JAK2: variants seen among roughly 807,000 people sequenced by gnomAD.
The protein encoded by JAK2 is tyrosine-protein kinase JAK2.
A neutral mutation model predicts 139.3 loss-of-function variants in JAK2; 86 were observed. That is an observed-to-expected ratio of 0.62 (90% confidence interval 0.52 to 0.74). JAK2 has a LOEUF of 0.74. JAK2 is among the 30% of genes least tolerant of loss of function. The pLI, the probability that JAK2 is intolerant of heterozygous loss-of-function variation, is 0.00. For missense variants in JAK2, 1,421 were observed against 1,360.3 expected, an observed-to-expected ratio of 1.04 and a Z score of -0.70; for synonymous variants, 490 against 437.7, an observed-to-expected ratio of 1.12 and a Z score of -1.49.
In JAK2 at chr9:5,024,812, T is replaced by A. The variant is rs531331429; in HGVS notation, c.226+2599T>A. On this transcript the variant is annotated intron_variant, in intron 3 of 24. Transcript: ENST00000381652. ...TAGGTGTGCTCTTTGCATCATTTCT[T>A]CAGTCAGTCCCCAGTCAGGGCAAAA... Among the ~76,000 whole-genome samples, 7 of 152,292 alleles carry A rather than the reference T, an allele frequency of 4.6e-5. No individual in the cohort carries two copies. In the East Asian group the frequency reaches 1.4e-3, roughly 29 times the overall value.
intron 22 of JAK2, chr9:5,094,744 T>C (rs1005253907): frequency 6.6e-6 from 1 of 152,192 alleles, no homozygotes; most frequent in Non-Finnish European, 1.5e-5. Context: ...CTCTTCTTTA[T>C]AGCAGAATAT....
rs143769078 is a variant in JAK2 at position 5,031,048 on chromosome 9, C to T, written c.350+1142C>T. Among the ~76,000 whole-genome samples the T allele has an allele frequency of 1.1e-3, 171 of 152,038 alleles. 1 individual carries two copies. The highest frequency in any genetic ancestry group is 3.8e-3 in the African/African-American group (156 of 41,492). On this transcript the variant is annotated intron_variant, in intron 4 of 24. Coordinates refer to ENST00000381652, the MANE Select transcript of JAK2 (RefSeq NM_004972.4). ...GGTCTTAATAAGAAAAAACAGAAGA[C>T]AGTATAGGAAAATTAGAAAGTTATT...
intron 22 of JAK2, among the ~76,000 whole-genome samples, chr9:5,107,260 C>T (rs1197693634): frequency 6.6e-6 from 1 of 152,106 alleles, no homozygotes; most frequent in African/African-American, 2.4e-5. Context: ...CGACACCTTA[C>T]TGGCCCTACT....
At chr9:5,031,864 A>G (rs891594552) in intron 4 of JAK2, among the ~76,000 whole-genome samples, 1 of 152,194 alleles carries the variant, frequency 6.6e-6, no homozygotes, top group Non-Finnish European at 1.5e-5. Context: ...TGCATTTCCA[A>G]CTGAGGTGTA....
At chr9:5,111,727 C>A in intron 22 of JAK2, 1 of 432,180 alleles carries the variant, frequency 2.3e-6, no homozygotes, top group Non-Finnish European at 4.6e-6. Context: ...AGCACGAGCG[C>A]GTGGGCTACC....
chr9:5,068,833 G>C (rs886812711), intron 10 of JAK2, among the ~76,000 whole-genome samples, 189 bp from the exon 11 acceptor site: 19 of 152,120 alleles, frequency 1.2e-4, no homozygotes, highest in Middle Eastern at 3.2e-3. Context: ...AACCACTTTT[G>C]TAGGCTGAGA....
chr9:5,023,445 G>A (rs1822570184), intron 3 of JAK2, among the ~76,000 whole-genome samples: 2 of 152,084 alleles, frequency 1.3e-5, no homozygotes, highest in Admixed American at 1.3e-4. Flanking sequence ...GGGGGAGCGT[G>A]GGACCCAGTG....
intron 3 of JAK2, among the ~76,000 whole-genome samples, chr9:5,027,314 T>C (rs1442426095): frequency 6.6e-6 from 1 of 152,252 alleles, no homozygotes; most frequent in Non-Finnish European, 1.5e-5. Context: ...ATAAAAGTTA[T>C]GTTTAAATTA....
chr9:5,081,934 T>C, intron 19 of JAK2, 73 bp downstream of exon 19: 1 of 1,264,652 alleles, frequency 7.9e-7, no homozygotes. Context: ...GTTTCTAAAG[T>C]TCACTTTCTA....
intron 8 of JAK2, among the ~76,000 whole-genome samples, chr9:5,063,002 A>G (rs1210315527): frequency 6.6e-6 from 1 of 151,844 alleles, no homozygotes; most frequent in Non-Finnish European, 1.5e-5. Flanking sequence ...AAGTCTTTTA[A>G]TTTTGTTTAG....
intron 19 of JAK2, 111 bp from the exon 20 acceptor site, chr9:5,089,563 A>AAT: frequency 1.1e-5 from 4 of 349,772 alleles, no homozygotes; most frequent in Middle Eastern, 7.8e-4. Flanking sequence ...AAAAAAAAAA[A>AAT]AAGACAGTCT....
chr9:5,119,293 A>G (rs963038403), intron 22 of JAK2, among the ~76,000 whole-genome samples: 1 of 152,108 alleles, frequency 6.6e-6, no homozygotes, highest in African/African-American at 2.4e-5. Context: ...TGACAGAACA[A>G]ATGCATGGAG....
At chr9:5,026,578 A>G (rs953397305) in intron 3 of JAK2, among the ~76,000 whole-genome samples, 11 of 152,316 alleles carry the variant, frequency 7.2e-5, no homozygotes, top group African/African-American at 2.4e-4. Flanking sequence ...TTTTAAATAT[A>G]TAGGATTAAA....
At chr9:5,109,225 A>G (rs1321969765) in intron 22 of JAK2, 1 of 152,194 alleles carries the variant, frequency 6.6e-6, no homozygotes, top group Non-Finnish European at 1.5e-5. Flanking sequence ...AAATACATTA[A>G]TATTTATACA....
intron 19 of JAK2, among the ~76,000 whole-genome samples, chr9:5,082,622 T>C (rs1448901579): frequency 6.6e-6 from 1 of 152,212 alleles, no homozygotes; most frequent in Non-Finnish European, 1.5e-5. Context: ...GTCTTTCCCA[T>C]CCCACGAGGC....
In JAK2 at chr9:5,009,775, AT is replaced by A. The variant is rs752248281; in HGVS notation, c.-25-12176del. Reference sequence around the variant, plus strand: ...TGTGTATTTTTTTTCTTCAGTTAAAATTTTTTTTTTTTGCAGTCACAGTCTT... The same window carrying A: ...TGTGTATTTTTTTTCTTCAGTTAAAATTTTTTTTTTTGCAGTCACAGTCTT... On this transcript the variant is annotated intron_variant, in intron 2 of 24. Coordinates refer to ENST00000381652, the MANE Select transcript of JAK2 (RefSeq NM_004972.4). Among the ~76,000 whole-genome samples the A allele has an allele frequency of 4.9e-3, 720 of 146,046 alleles. 4 individuals are homozygous for A. Among genetic ancestry groups the A allele is most frequent in the African/African-American group, 0.015 (595 of 40,030 alleles).
chr9:5,074,463 C>A (rs1819177261), intron 14 of JAK2, among the ~76,000 whole-genome samples: 1 of 141,388 alleles, frequency 7.1e-6, no homozygotes, highest in South Asian at 2.3e-4. Context: ...ACATTTCAAA[C>A]TTTAAAAAAA....
intron 22 of JAK2, among the ~76,000 whole-genome samples, chr9:5,117,715 G>A (rs185531324): frequency 6.6e-6 from 1 of 151,736 alleles, no homozygotes; most frequent in Non-Finnish European, 1.5e-5. Context: ...TATTTAATAT[G>A]GTAAATACTG....
At chr9:5,020,156 T>C (rs1822318151) in intron 2 of JAK2, among the ~76,000 whole-genome samples, 1 of 152,098 alleles carries the variant, frequency 6.6e-6, no homozygotes, top group African/African-American at 2.4e-5. Context: ...CAGTTGTCTG[T>C]GCTTATGTCG....
Sources: gnomAD v4.1 joint callset for allele counts (sites outside exome capture counted in the v4.1 genomes callset) on GRCh38, gnomAD v4.1.1 for gene constraint, MANE v1.5 for transcripts, NCBI Gene and HGNC (gene_info 2026-07-23, HGNC 2026-07-21) for gene names.